SSBP3: variants seen among roughly 807,000 people sequenced by gnomAD.
SSBP3 encodes the protein single stranded DNA binding protein 3, also known as single-stranded DNA-binding protein 3.
In SSBP3, 5 loss-of-function variants were observed where a neutral mutation model predicts 69.6. The observed-to-expected ratio is 0.07, with a 90% confidence interval of 0.04 to 0.15. The LOEUF (loss-of-function observed/expected upper bound fraction) is 0.15. SSBP3 is among the 10% of genes least tolerant of loss of function. The pLI is 1.00. For synonymous variants in SSBP3, 196 were observed against 193.4 expected, an observed-to-expected ratio of 1.01 and a Z score of -0.11; for missense variants, 312 against 534.0, an observed-to-expected ratio of 0.58 and a Z score of 4.10.
chr1:54,233,265 G>A lies in SSBP3; in HGVS notation c.928-4439C>T, dbSNP rs571509198. ...TGGGATGTGAGGAGCGCCTCTGCCC[G>A]GCCGCGACCCCATCTGGGATGTGAG... On this transcript the variant is annotated intron_variant, in intron 14 of 17. Coordinates refer to ENST00000610401, the Ensembl canonical transcript of SSBP3. 4.3e-3 allele frequency among the ~76,000 whole-genome samples: 644 copies of A among 150,418 alleles called. 7 individuals carry two copies. The highest frequency in any genetic ancestry group is 5.8e-3 in the Non-Finnish European group (389 of 67,628).
intron 4 of SSBP3, among the ~76,000 whole-genome samples, chr1:54,366,720 A>G (rs1318152190): frequency 6.6e-6 from 1 of 152,232 alleles, no homozygotes; most frequent in Non-Finnish European, 1.5e-5. Flanking sequence ...TAACAAAAGA[A>G]GTACTTAGGT....
At chr1:54,381,539 A>G (rs541780564) in intron 4 of SSBP3, among the ~76,000 whole-genome samples, 17 of 152,278 alleles carry the variant, frequency 1.1e-4, no homozygotes, top group Non-Finnish European at 2.4e-4. Context: ...TGTTTCAGCT[A>G]CATCTCCAGT....
At chr1:54,294,181 AAGAAAG>A (rs1645662981) in intron 4 of SSBP3, among the ~76,000 whole-genome samples, 5 of 149,066 alleles carry the variant, frequency 3.4e-5, no homozygotes, top group Non-Finnish European at 7.4e-5. Context: ...GAAAGAAAGA[AAGAAAG>A]AAAGAAAAGA....
intron 4 of SSBP3, among the ~76,000 whole-genome samples, chr1:54,359,619 G>A (rs547083945): frequency 5.9e-5 from 9 of 152,084 alleles, no homozygotes; most frequent in Non-Finnish European, 1.0e-4. Context: ...TCTTCTTCCC[G>A]GCTGTAGAGG....
chr1:54,404,697 C>T, intron 2 of SSBP3, 60 bp from the exon 3 acceptor site: 1 of 1,594,928 alleles, frequency 6.3e-7, no homozygotes, highest in Non-Finnish European at 8.6e-7. Context: ...CTGGGGGCTT[C>T]CCAGAGCCAA....
At chr1:54,294,465 C>G (rs1354678617) in intron 4 of SSBP3, among the ~76,000 whole-genome samples, 1 of 152,142 alleles carries the variant, frequency 6.6e-6, no homozygotes, top group African/African-American at 2.4e-5. Flanking sequence ...CACCCCCTCC[C>G]AAGACAATGG....
intron 4 of SSBP3, among the ~76,000 whole-genome samples, chr1:54,332,750 C>A (rs370255970): frequency 4.6e-5 from 7 of 151,468 alleles, no homozygotes; most frequent in African/African-American, 1.5e-4. Context: ...ATAAAAAAAA[C>A]GGACTTGCTC....
chr1:54,361,650 G>A (rs186297874), intron 4 of SSBP3, among the ~76,000 whole-genome samples: 2 of 152,120 alleles, frequency 1.3e-5, no homozygotes, highest in African/African-American at 2.4e-5. Context: ...ATCCCCTTGC[G>A]CTCCCCAAAG....
At chr1:54,334,678 A>G (rs1274889462) in intron 4 of SSBP3, among the ~76,000 whole-genome samples, 1 of 152,240 alleles carries the variant, frequency 6.6e-6, no homozygotes, top group African/African-American at 2.4e-5. Context: ...TAATGCATGT[A>G]AAGTACCTAG....
At chr1:54,317,755 C>CTT (rs1371514084) in intron 4 of SSBP3, among the ~76,000 whole-genome samples, 4 of 151,994 alleles carry the variant, frequency 2.6e-5, no homozygotes, top group African/African-American at 9.7e-5. Flanking sequence ...TCTCCATCCT[C>CTT]TGTGTTTTTG....
intron 11 of SSBP3, among the ~76,000 whole-genome samples, chr1:54,241,761 T>G (rs144910231): frequency 6.6e-6 from 1 of 152,294 alleles, no homozygotes; most frequent in South Asian, 2.1e-4. Flanking sequence ...AGGGAGGACA[T>G]AGAAGGCCCT....
intron 5 of SSBP3, among the ~76,000 whole-genome samples, chr1:54,263,987 CAAAACAAAAACA>C (rs942137315): frequency 1.3e-5 from 2 of 150,696 alleles, no homozygotes; most frequent in African/African-American, 5.0e-5. Context: ...AAACCAAAAC[CAAAACAAAAACA>C]AAAACAAAAG....
chr1:54,283,288 A>G (rs1029687938), intron 4 of SSBP3, among the ~76,000 whole-genome samples: 3 of 150,942 alleles, frequency 2.0e-5, no homozygotes, highest in African/African-American at 7.4e-5. Flanking sequence ...AAAAAAAAAA[A>G]AAAGGAACCA....
At chr1:54,272,990 C>T (rs1373345397) in intron 5 of SSBP3, among the ~76,000 whole-genome samples, 3 of 151,846 alleles carry the variant, frequency 2.0e-5, no homozygotes, top group Non-Finnish European at 2.9e-5. Flanking sequence ...CCCCTTCCCT[C>T]CCTCAAAAGG....
chr1:54,291,663 G>A (rs1206992420), intron 4 of SSBP3, among the ~76,000 whole-genome samples: 5 of 152,234 alleles, frequency 3.3e-5, no homozygotes, highest in African/African-American at 9.6e-5. Flanking sequence ...GCCATTAAAC[G>A]ATTCATCAGA....
At chr1:54,241,334 T>G in intron 12 of SSBP3, 140 bp downstream of exon 12, 1 of 1,003,458 alleles carries the variant, frequency 1.0e-6, no homozygotes, top group South Asian at 1.4e-5. Flanking sequence ...TGACTGAATA[T>G]TGACAGCAAG....
intron 13 of SSBP3, among the ~76,000 whole-genome samples, chr1:54,240,472 A>AAGGG (rs1553123335): frequency 7.9e-5 from 5 of 63,346 alleles, no homozygotes; most frequent in Non-Finnish European, 1.2e-4. Context: ...GAAAAAAAAA[A>AAGGG]GGGGGGGGGG....
chr1:54,399,957 C>CA (rs1258475426), intron 4 of SSBP3, among the ~76,000 whole-genome samples: 5 of 150,424 alleles, frequency 3.3e-5, no homozygotes, highest in African/African-American at 7.3e-5. Flanking sequence ...GAGCCCAATT[C>CA]AAAAAAAAAG....
chr1:54,364,703 A>G (rs904804701), intron 4 of SSBP3, among the ~76,000 whole-genome samples: 6 of 152,070 alleles, frequency 3.9e-5, no homozygotes, highest in African/African-American at 1.2e-4. Flanking sequence ...CTTTCTAAAT[A>G]CCCATTCCAC....
Sources: allele counts gnomAD v4.1 joint callset (sites outside exome capture counted in the v4.1 genomes callset), GRCh38; gene constraint gnomAD v4.1.1; transcripts MANE v1.5; gene names NCBI Gene and HGNC (gene_info 2026-07-23, HGNC 2026-07-21).